Variants in IDI2 observed in about 807,000 individuals in gnomAD.
The protein encoded by IDI2 is isopentenyl-diphosphate delta-isomerase 2.
IDI2 carries 18 observed loss-of-function variants against 14.8 expected under a neutral mutation model. The ratio of observed to expected loss-of-function variants is 1.22; its 90% CI spans 0.84 to 1.80. The LOEUF (loss-of-function observed/expected upper bound fraction) is 1.80. Among genes scored for constraint, IDI2 ranks in the 40% most tolerant of loss-of-function variants. The pLI, the probability that IDI2 is intolerant of heterozygous loss-of-function variation, is 0.00. For synonymous variants in IDI2, 133 were observed against 109.6 expected (o/e 1.21, Z -1.33); for missense variants, 316 against 283.2 (o/e 1.12, Z -0.83).
In IDI2 at chr10:1,025,004, G is replaced by A. The variant is rs955103672; in HGVS notation, c.-21-260C>T. Among the ~76,000 whole-genome samples, 14 of 70,648 alleles carry A rather than the reference G, an allele frequency of 2.0e-4. No individual in the cohort carries two copies. The East Asian group carries it at 2.1e-3, about 11-fold the overall frequency. 46.3% of individuals were successfully genotyped at this position (70,648 alleles called of 152,430 possible). A position where few individuals can be genotyped will look rare whatever the true frequency, so the allele number is the denominator to read the frequency against. Reference sequence around the variant, plus strand: ...TTTAGTGACGAGTTAAAGAATCCCCGCCCCACCACACACACACACACACAC... The same window carrying A: ...TTTAGTGACGAGTTAAAGAATCCCCACCCCACCACACACACACACACACAC... On this transcript the variant is annotated intron_variant, in intron 1 of 4. Transcript: ENST00000277517.
At chr10:1,021,584 A>G (rs555620545) in intron 3 of IDI2, among the ~76,000 whole-genome samples, 6 of 152,278 alleles carry the variant, frequency 3.9e-5, no homozygotes, top group Non-Finnish European at 7.4e-5. Flanking sequence ...ACCTGCCCCT[A>G]TGTATCCTGG....
At chr10:1,022,593 C>T (rs781167338) in intron 3 of IDI2, 90 bp downstream of exon 3, 2 of 1,004,140 alleles carry the variant, frequency 2.0e-6, no homozygotes. Context: ...CAGTGCGGCA[C>T]TGAGCACCAG....
rs1832048329 is a variant in IDI2, at chr10:1,019,419, C to G, written c.*98G>C. 1.1e-6 allele frequency: 1 copy of G among 917,460 alleles called. No individual in the cohort carries two copies. Among genetic ancestry groups the G allele is most frequent in the Admixed American group, 2.8e-5 (1 of 35,562 alleles). 56.8% of individuals were successfully genotyped at this position (917,460 alleles called of 1,614,324 possible). On this transcript the variant is annotated 3_prime_UTR_variant, in exon 5 of 5. Coordinates refer to ENST00000277517, the MANE Select transcript of IDI2 (RefSeq NM_033261.3). ...ATACATGATGGGCAATCAAGTGCCCCTTTTGCCCTGTTTTTTGGAGAGGGT... is the reference window on the plus strand; with the variant it reads ...ATACATGATGGGCAATCAAGTGCCCGTTTTGCCCTGTTTTTTGGAGAGGGT...
At position 1,019,443 on chromosome 10, in the gene IDI2, G is replaced by A. The variant is rs1489300901; in HGVS notation, c.*74C>T. ...CCTTTTGCCCTGTTTTTTGGAGAGG[G>A]TGTATCATTGCCTCAATGGTGCGTC... On this transcript the variant is annotated 3_prime_UTR_variant, in exon 5 of 5. Coordinates refer to ENST00000277517, the MANE Select transcript of IDI2 (RefSeq NM_033261.3). 6 of 1,210,424 alleles carry A rather than the reference G, an allele frequency of 5.0e-6. No individual in the cohort carries two copies. In the African/African-American group the frequency reaches 7.6e-5, roughly 15 times the overall value. 75.0% of individuals were successfully genotyped at this position (1,210,424 alleles called of 1,614,324 possible). A position where few individuals can be genotyped will look rare whatever the true frequency, so the allele number is the denominator to read the frequency against.
Position 1,019,545 on chromosome 10 carries a change from A to G in IDI2, c.656T>C (p.Val219Ala). The change falls in exon 5 of 5, where the codon GTG becomes GCG. Residue 219 changes from valine (V) to alanine (A), a missense_variant. Transcript: ENST00000277517. The part of the protein sequence containing the change: ...WPHLDDVTPF[V>A]ELHKIHRV Reference sequence around the variant, plus strand: ...CACTCTGTGTATTTTGTGAAGCTCCACAAACGGGGTCACGTCATCCAGGTG... The same window carrying G: ...CACTCTGTGTATTTTGTGAAGCTCCGCAAACGGGGTCACGTCATCCAGGTG... The G allele has an allele frequency of 1.9e-6, 3 of 1,613,496 alleles. No individual in the cohort carries two copies. Among genetic ancestry groups the G allele is most frequent in the Non-Finnish European group, 2.5e-6 (3 of 1,179,674 alleles).
rs1002671500 is a variant in IDI2, at chr10:1,022,062, A to G, written c.235+621T>C. On this transcript the variant is annotated intron_variant, in intron 3 of 4. Coordinates refer to ENST00000277517, the MANE Select transcript of IDI2 (RefSeq NM_033261.3). ...ATCACGAGGTCAGGAGATCGAGACC[A>G]TCCTGGCTAACACGGTGAAACCCCG... 3.9e-5 allele frequency among the ~76,000 whole-genome samples: 6 copies of G among 152,338 alleles called. No homozygotes were observed. The South Asian group carries it at 8.3e-4, about 21-fold the overall frequency.
intron 3 of IDI2, among the ~76,000 whole-genome samples, chr10:1,021,184 ATG>A (rs1411182607): frequency 6.6e-6 from 1 of 152,082 alleles, no homozygotes; most frequent in Non-Finnish European, 1.5e-5. Flanking sequence ...CTATCCCAGT[ATG>A]TCTTAGGAGA....
At chr10:1,022,356 A>T (rs2132184806) in intron 3 of IDI2, among the ~76,000 whole-genome samples, 1 of 152,312 alleles carries the variant, frequency 6.6e-6, no homozygotes, top group Admixed American at 6.5e-5. Context: ...TTACCTAGTT[A>T]ATTTTATGCT....
rs374245520 is a variant in IDI2 at position 1,022,892 on chromosome 10, C to T, written c.143-117G>A. The T allele has an allele frequency of 1.2e-4, 87 of 739,362 alleles. No individual in the cohort carries two copies. The East Asian group carries it at 2.2e-3, about 18-fold the overall frequency. 45.8% of individuals were successfully genotyped at this position (739,362 alleles called of 1,614,324 possible). Reference sequence around the variant, plus strand: ...AAAGCCTGTGATTGTGGCACCTGGGCAGGGCAAAGGGGACTGCTGGATGCC... The same window carrying T: ...AAAGCCTGTGATTGTGGCACCTGGGTAGGGCAAAGGGGACTGCTGGATGCC... On this transcript the variant is annotated intron_variant, in intron 2 of 4. Coordinates refer to ENST00000277517, the MANE Select transcript of IDI2 (RefSeq NM_033261.3).
At chr10:1,021,115 C>G (rs1357642922) in intron 3 of IDI2, among the ~76,000 whole-genome samples, 1 of 152,234 alleles carries the variant, frequency 6.6e-6, no homozygotes, top group Non-Finnish European at 1.5e-5. Context: ...CCTGGCGGGG[C>G]TGGCCCTGAC....
At position 1,024,569 on chromosome 10, in the gene IDI2, G is replaced by C; in HGVS notation, c.142+13C>G. The C allele has an allele frequency of 6.2e-7, 1 of 1,613,758 alleles. No homozygotes were observed. Among genetic ancestry groups the C allele is most frequent in the Non-Finnish European group, 8.5e-7 (1 of 1,179,882 alleles). ...ACCCTGGGAACTGGACAGAGAAAAT[G>C]GGCGGGGGCTACCTTTCTCAATGTT... On this transcript the variant is annotated intron_variant, in intron 2 of 4. Transcript: ENST00000277517.
At position 1,020,772 on chromosome 10, in the gene IDI2, C is replaced by T. The variant is rs772199448; in HGVS notation, c.361G>A (p.Glu121Lys). The change falls in exon 4 of 5, where the codon GAG (glutamate) becomes AAG (lysine). Residue 121 changes from glutamate (E) to lysine (K), a missense_variant. Coordinates refer to ENST00000277517, the MANE Select transcript of IDI2 (RefSeq NM_033261.3). ...AGACTGGATGCTGTGTGTACCTGCTCCCCAGGAATTCCCAGCTCTGCTTGC... is the reference window on the plus strand; with the variant it reads ...AGACTGGATGCTGTGTGTACCTGCTTCCCAGGAATTCCCAGCTCTGCTTGC... ...RLQAELGIPGEQISPEDIVFM... is the reference protein window; with the variant it reads ...RLQAELGIPGKQISPEDIVFM... 1.1e-5 allele frequency: 17 copies of T among 1,611,402 alleles called. No individual in the cohort carries two copies. The East Asian group carries it at 3.6e-4, about 34-fold the overall frequency.
rs753465155 is a variant in IDI2 at position 1,024,699 on chromosome 10, C to T, written c.25G>A (p.Val9Ile). 1.2e-6 allele frequency: 2 copies of T among 1,614,198 alleles called. No homozygotes were observed. Among genetic ancestry groups the T allele is most frequent in the South Asian group, 2.2e-5 (2 of 91,080 alleles). The change falls in exon 2 of 5, where the codon GTT becomes ATT. Residue 9 changes from valine to isoleucine, a missense_variant. By Grantham distance (29) the Val-to-Ile change is conservative. Transcript: ENST00000277517. ...AAGCGCTGCAACTGACGCCTGTCAA[C>T]CCAGTCAAGATTTATGTCAGACATA... is the stretch of plus-strand genomic sequence containing the variant. The part of the protein sequence containing the change: MSDINLDW[V>I]DRRQLQRLEE...
intron 1 of IDI2, among the ~76,000 whole-genome samples, 156 bp from the exon 2 acceptor site, chr10:1,024,900 A>G (rs187989651): frequency 6.6e-6 from 1 of 152,232 alleles, no homozygotes; most frequent in Non-Finnish European, 1.5e-5. Context: ...TGGAAGGTGA[A>G]TCATCTGTTT....
At chr10:1,019,873 G>T in intron 4 of IDI2, 39 bp from the exon 5 acceptor site, 1 of 1,350,326 alleles carries the variant, frequency 7.4e-7, no homozygotes, top group Non-Finnish European at 1.1e-6. Context: ...CAACGCTAAT[G>T]TAAAACACAG....
In IDI2 at chr10:1,019,548, A is replaced by G. The variant is rs771153310; in HGVS notation, c.653T>C (p.Phe218Ser). The G allele has an allele frequency of 1.4e-5, 22 of 1,613,490 alleles. No homozygotes were observed. The highest frequency in any genetic ancestry group is 1.1e-4 in the South Asian group (10 of 91,058). The change falls in exon 5 of 5, where the codon TTT becomes TCT. Residue 218 changes from phenylalanine to serine, a missense_variant. Physicochemically the swap from Phe to Ser is radical, Grantham distance 155 (BLOSUM62 -2). Coordinates refer to ENST00000277517, the MANE Select transcript of IDI2 (RefSeq NM_033261.3). ...WWPHLDDVTPFVELHKIHRV is the reference protein window; with the variant it reads ...WWPHLDDVTPSVELHKIHRV Reference sequence around the variant, plus strand: ...TCTGTGTATTTTGTGAAGCTCCACAAACGGGGTCACGTCATCCAGGTGAGG... The same window carrying G: ...TCTGTGTATTTTGTGAAGCTCCACAGACGGGGTCACGTCATCCAGGTGAGG...
At chr10:1,021,335 T>C (rs1420095033) in intron 3 of IDI2, among the ~76,000 whole-genome samples, 4 of 152,204 alleles carry the variant, frequency 2.6e-5, no homozygotes, top group African/African-American at 9.7e-5. Context: ...AGGGTGGTGA[T>C]CAGTGAGCAT....
Position 1,020,227 on chromosome 10 carries a change from C to CTT in IDI2, c.367-395_367-394dup, listed in dbSNP as rs67920739. Among the ~76,000 whole-genome samples the CTT allele has an allele frequency of 5.4e-3, 775 of 144,392 alleles. 9 individuals are homozygous for CTT. Among genetic ancestry groups the CTT allele is most frequent in the African/African-American group, 0.017 (665 of 39,480 alleles). The allele number at this position is 144,392 out of a possible 152,430, so 94.7% of individuals were successfully genotyped here. A position where few individuals can be genotyped will look rare whatever the true frequency, so the allele number is the denominator to read the frequency against. ...ATTCTTTCTACACTTGAATTTCTTT[C>CTT]TTTTTTTTTTTTTTGAGATGGAGTC... On this transcript the variant is annotated intron_variant, in intron 4 of 4. Transcript: ENST00000277517.
At chr10:1,021,211 C>G (rs1290742517) in intron 3 of IDI2, among the ~76,000 whole-genome samples, 2 of 152,204 alleles carry the variant, frequency 1.3e-5, no homozygotes. Flanking sequence ...CTGGTTCCTA[C>G]TCAGTTTTGT....
Sources: gnomAD v4.1 joint callset for allele counts (sites outside exome capture counted in the v4.1 genomes callset) on GRCh38, gnomAD v4.1.1 for gene constraint, MANE v1.5 for transcripts, NCBI Gene and HGNC (gene_info 2026-07-23, HGNC 2026-07-21) for gene names.